Variants in CYBRD1 observed in about 807,000 individuals in gnomAD.
CYBRD1 encodes the protein cytochrome b reductase 1.
In CYBRD1, 14 loss-of-function variants were observed where a neutral mutation model predicts 21.9. The ratio of observed to expected loss-of-function variants is 0.64; its 90% CI spans 0.42 to 1.00. CYBRD1 has a LOEUF of 1.00. Among genes scored for constraint, CYBRD1 ranks in the 50% least tolerant of loss-of-function variants. The pLI is 0.00. For missense variants in CYBRD1, 328 were observed against 352.5 expected, an observed-to-expected ratio of 0.93 and a Z score of 0.56; for synonymous variants, 146 against 136.5, an observed-to-expected ratio of 1.07 and a Z score of -0.48.
chr2:171,536,848 C>T (rs576202254), intron 1 of CYBRD1, among the ~76,000 whole-genome samples: 5 of 151,844 alleles, frequency 3.3e-5, no homozygotes, highest in African/African-American at 9.6e-5. Flanking sequence ...ATTTGCTTTT[C>T]GAGTGTTGAA....
intron 1 of CYBRD1, among the ~76,000 whole-genome samples, chr2:171,525,556 C>T (rs757712505): frequency 4.6e-5 from 7 of 152,080 alleles, no homozygotes; most frequent in African/African-American, 2.4e-5. Context: ...CATGTTATAA[C>T]AGACTTTTTT....
intron 1 of CYBRD1, among the ~76,000 whole-genome samples, chr2:171,526,415 C>T (rs1375868694): frequency 6.6e-6 from 1 of 151,578 alleles, no homozygotes; most frequent in South Asian, 2.1e-4. Flanking sequence ...CTCTCCCTTC[C>T]TTTCCCCCTC....
intron 1 of CYBRD1, among the ~76,000 whole-genome samples, chr2:171,531,508 C>T (rs938491089): frequency 1.3e-5 from 2 of 151,966 alleles, no homozygotes; most frequent in African/African-American, 4.8e-5. Flanking sequence ...AGTGTAGTGG[C>T]GAAATCATGA....
At chr2:171,523,309 C>G in intron 1 of CYBRD1, 1 of 417,762 alleles carries the variant, frequency 2.4e-6, no homozygotes, top group South Asian at 1.8e-5. Flanking sequence ...ATCCTCGGCC[C>G]TGGGTAAAGG....
chr2:171,532,839 T>C lies in CYBRD1; in HGVS notation c.194-8746T>C, dbSNP rs532874975. On this transcript the variant is annotated intron_variant, in intron 1 of 3. Coordinates refer to ENST00000321348, the MANE Select transcript of CYBRD1 (RefSeq NM_024843.4). ...ACTAAAAAATAAGTATGTGAGGTGA[T>C]GGATATGTTAATTAGCTTGATTTAA... is the stretch of plus-strand genomic sequence containing the variant. 2.0e-5 allele frequency among the ~76,000 whole-genome samples: 3 copies of C among 151,434 alleles called. No homozygotes were observed. In the East Asian group the frequency reaches 5.8e-4, roughly 30 times the overall value.
intron 2 of CYBRD1, among the ~76,000 whole-genome samples, chr2:171,546,399 G>A (rs1055829880): frequency 6.6e-6 from 1 of 152,202 alleles, no homozygotes; most frequent in Non-Finnish European, 1.5e-5. Flanking sequence ...GTTATTATAA[G>A]TGTAAATCCT....
At chr2:171,540,295 A>T (rs954042366) in intron 1 of CYBRD1, among the ~76,000 whole-genome samples, 8 of 152,202 alleles carry the variant, frequency 5.3e-5, no homozygotes, top group Non-Finnish European at 1.0e-4. Context: ...TGGCTTCTTG[A>T]GATTGACATT....
chr2:171,522,539 G>C lies in CYBRD1; in HGVS notation c.-7G>C. On this transcript the variant is annotated 5_prime_UTR_variant, in exon 1 of 4. Coordinates refer to ENST00000321348, the MANE Select transcript of CYBRD1 (RefSeq NM_024843.4). This position sits in a 1 kb window ranked among gnomAD's most constrained non-coding sequence, Gnocchi z 4.3. ...GTGGCCCCCGCGGTGCGGAGTATGGGGCGCTGATGGCCATGGAGGGCTACT... is the reference window on the plus strand; with the variant it reads ...GTGGCCCCCGCGGTGCGGAGTATGGCGCGCTGATGGCCATGGAGGGCTACT... 2 of 1,592,330 alleles carry C rather than the reference G, an allele frequency of 1.3e-6. No individual in the cohort carries two copies. The highest frequency in any genetic ancestry group is 8.5e-7 in the Non-Finnish European group (1 of 1,170,688).
At chr2:171,537,187 A>G (rs1697558107) in intron 1 of CYBRD1, among the ~76,000 whole-genome samples, 1 of 152,162 alleles carries the variant, frequency 6.6e-6, no homozygotes, top group Non-Finnish European at 1.5e-5. Flanking sequence ...GTGTGTGTGT[A>G]ATAAATGAGC....
intron 1 of CYBRD1, among the ~76,000 whole-genome samples, chr2:171,525,874 G>T (rs953260557): frequency 9.3e-5 from 14 of 151,246 alleles, no homozygotes; most frequent in Non-Finnish European, 1.5e-5. Context: ...TTGAACTCGG[G>T]AAACGGAGGT....
chr2:171,552,158 C>T (rs912432530), intron 2 of CYBRD1, among the ~76,000 whole-genome samples: 22 of 152,130 alleles, frequency 1.4e-4, no homozygotes, highest in Admixed American at 3.3e-4. Context: ...CCTGTTAGTT[C>T]CTATAGCATG....
chr2:171,553,536 G>T (rs762342107), intron 3 of CYBRD1, 36 bp downstream of exon 3: 2 of 1,572,958 alleles, frequency 1.3e-6, no homozygotes, highest in African/African-American at 2.7e-5. Flanking sequence ...TAATACTTAA[G>T]CCACAAAATG....
intron 1 of CYBRD1, among the ~76,000 whole-genome samples, chr2:171,537,836 TAA>T (rs934435936): frequency 2.0e-5 from 3 of 152,196 alleles, no homozygotes; most frequent in African/African-American, 4.8e-5. Context: ...TTCAAGTAGC[TAA>T]AAGAGAGGAT....
intron 2 of CYBRD1, among the ~76,000 whole-genome samples, chr2:171,549,535 A>G (rs564116713): frequency 3.3e-5 from 5 of 152,362 alleles, no homozygotes; most frequent in Non-Finnish European, 7.3e-5. Context: ...CCTGTTCCAC[A>G]AGGAGTAGAA....
intron 1 of CYBRD1, among the ~76,000 whole-genome samples, chr2:171,530,088 G>A (rs1465640203): frequency 6.6e-6 from 1 of 152,204 alleles, no homozygotes; most frequent in Admixed American, 6.5e-5. Context: ...GGCAGAGATT[G>A]GAGTGATGTG....
chr2:171,522,250 A>G (rs1476285582), upstream of CYBRD1: 2 of 1,549,952 alleles, frequency 1.3e-6, no homozygotes, highest in Non-Finnish European at 8.7e-7. This position sits in a 1 kb window ranked among gnomAD's most constrained non-coding sequence, Gnocchi z 4.3. Flanking sequence ...TAGGTCTGTT[A>G]CTGAAGCCCT....
At chr2:171,531,770 T>A (rs1697471110) in intron 1 of CYBRD1, among the ~76,000 whole-genome samples, 1 of 152,224 alleles carries the variant, frequency 6.6e-6, no homozygotes, top group African/African-American at 2.4e-5. Context: ...AAGCCAGTAC[T>A]CTTTCTAACC....
chr2:171,557,017 T>C lies in CYBRD1; in HGVS notation c.*2190T>C, dbSNP rs1298728612. 6.6e-6 allele frequency: 1 copy of C among 152,616 alleles called. No individual in the cohort carries two copies. Among genetic ancestry groups the C allele is most frequent in the East Asian group, 1.9e-4 (1 of 5,198 alleles). The allele number at this position is 152,616 out of a possible 1,614,324, so 9.5% of individuals were successfully genotyped here. A position where few individuals can be genotyped will look rare whatever the true frequency, so the allele number is the denominator to read the frequency against. On this transcript the variant is annotated 3_prime_UTR_variant, in exon 4 of 4. Transcript: ENST00000321348. ...TGGCTTTGGCACTAGAATAGCACTG[T>C]TGCAAAGTATTTAAGCACCCCCCAT...
intron 1 of CYBRD1, among the ~76,000 whole-genome samples, chr2:171,538,198 G>C (rs2105336694): frequency 6.6e-6 from 1 of 152,312 alleles, no homozygotes; most frequent in African/African-American, 2.4e-5. Flanking sequence ...AGGAAGTCGA[G>C]GTTGCAGTGA....
Sources: gnomAD v4.1 joint callset for allele counts (sites outside exome capture counted in the v4.1 genomes callset) on GRCh38, gnomAD v4.1.1 for gene constraint, Gnocchi (gnomAD v3.1) non-coding constraint, MANE v1.5 for transcripts, NCBI Gene and HGNC (gene_info 2026-07-23, HGNC 2026-07-21) for gene names.